The following ARB2A variants were observed in gnomAD, a reference collection of about 807,000 sequenced individuals.
The protein encoded by ARB2A is cotranscriptional regulator ARB2A.
the ARB2A span, among the ~76,000 whole-genome samples, chr5:94,011,381 T>C: frequency 7.2e-5 from 11 of 152,222 alleles, no homozygotes; most frequent in Non-Finnish European, 1.5e-4. Context: ...TTATTTATTT[T>C]GTTCATTATC....
At chr5:93,728,758 G>A in the ARB2A span, among the ~76,000 whole-genome samples, 2 of 151,936 alleles carry the variant, frequency 1.3e-5, no homozygotes, top group Non-Finnish European at 2.9e-5. Context: ...TTTGACATAA[G>A]TCAATATAAA....
chr5:94,109,913 C>A, the ARB2A span, among the ~76,000 whole-genome samples: 5 of 123,518 alleles, frequency 4.0e-5, no homozygotes, highest in Non-Finnish European at 6.3e-5. Flanking sequence ...GAGACGGAGT[C>A]TCGATCTGTC....
the ARB2A span, among the ~76,000 whole-genome samples, chr5:93,948,198 T>A: frequency 6.6e-6 from 1 of 152,186 alleles, no homozygotes; most frequent in Non-Finnish European, 1.5e-5. Context: ...TTTTAATGAT[T>A]GCCATTCTAA....
chr5:93,753,751 T>C, the ARB2A span, among the ~76,000 whole-genome samples: 2 of 152,216 alleles, frequency 1.3e-5, no homozygotes, highest in Non-Finnish European at 2.9e-5. Flanking sequence ...GAAATGCCTG[T>C]CTAAGCTATA....
chr5:93,901,777 G>A, the ARB2A span, among the ~76,000 whole-genome samples: 6 of 152,088 alleles, frequency 3.9e-5, no homozygotes, highest in African/African-American at 1.4e-4. Flanking sequence ...CAAGGGAATA[G>A]CTTACAACCT....
chr5:93,776,987 C>G, the ARB2A span, among the ~76,000 whole-genome samples: 5 of 152,024 alleles, frequency 3.3e-5, no homozygotes, highest in Non-Finnish European at 7.4e-5. Flanking sequence ...AAACTATATT[C>G]TTTGTGTAAT....
At chr5:93,620,201 T>C in the ARB2A span, 1 of 152,230 alleles carries the variant, frequency 6.6e-6, no homozygotes, top group African/African-American at 2.4e-5. Flanking sequence ...CCTTCACACC[T>C]ACACTTAAAA....
chr5:93,703,094 G>A, the ARB2A span, among the ~76,000 whole-genome samples: 2 of 152,178 alleles, frequency 1.3e-5, no homozygotes, highest in Admixed American at 1.3e-4. Context: ...ACTTGCAAAT[G>A]TGCAGGGACT....
At chr5:93,940,275 T>C in the ARB2A span, among the ~76,000 whole-genome samples, 1 of 152,010 alleles carries the variant, frequency 6.6e-6, no homozygotes, top group Admixed American at 6.6e-5. Context: ...CCAATTGTAT[T>C]CCACCTAATT....
the ARB2A span, among the ~76,000 whole-genome samples, chr5:94,098,318 AAC>A: frequency 6.6e-6 from 1 of 152,182 alleles, no homozygotes; most frequent in African/African-American, 2.4e-5. Context: ...AATATAAGTC[AAC>A]ACAATGAAAA....
the ARB2A span, among the ~76,000 whole-genome samples, chr5:93,783,631 A>G: frequency 1.3e-5 from 2 of 152,214 alleles, no homozygotes; most frequent in Non-Finnish European, 2.9e-5. Context: ...TGATTAAACA[A>G]TTACTATGGC....
At chr5:93,875,358 A>C in the ARB2A span, among the ~76,000 whole-genome samples, 1 of 152,096 alleles carries the variant, frequency 6.6e-6, no homozygotes, top group Non-Finnish European at 1.5e-5. Flanking sequence ...CATCCTCCCA[A>C]GTAGCTGGGA....
the ARB2A span, among the ~76,000 whole-genome samples, chr5:93,792,058 A>G: frequency 6.6e-6 from 1 of 152,132 alleles, no homozygotes; most frequent in Admixed American, 6.6e-5. Flanking sequence ...TGTTTGAAAA[A>G]CTTGCTTTAC....
chr5:93,805,391 C>T, the ARB2A span: 1 of 985,136 alleles, frequency 1.0e-6, no homozygotes, highest in Non-Finnish European at 1.2e-6. Context: ...CCCAGTACCT[C>T]ACAGCAAAAC....
the ARB2A span, among the ~76,000 whole-genome samples, chr5:93,711,389 T>A: frequency 6.6e-6 from 1 of 152,132 alleles, no homozygotes. Flanking sequence ...TTAAAAATTA[T>A]TGTTATTCCA....
chr5:93,853,207 C>A, the ARB2A span, among the ~76,000 whole-genome samples: 8 of 152,158 alleles, frequency 5.3e-5, no homozygotes, highest in African/African-American at 1.9e-4. Context: ...GTATTTTATT[C>A]TCTTTGAAGC....
the ARB2A span, among the ~76,000 whole-genome samples, chr5:94,100,434 A>G: frequency 6.6e-6 from 1 of 152,182 alleles, no homozygotes; most frequent in South Asian, 2.1e-4. Context: ...ACTAGAAAAA[A>G]TTATTTTAAA....
chr5:93,931,720 A>G, the ARB2A span, among the ~76,000 whole-genome samples: 1 of 151,886 alleles, frequency 6.6e-6, no homozygotes, highest in African/African-American at 2.4e-5. Context: ...GAACAGACAC[A>G]TGTAACCAGC....
the ARB2A span, among the ~76,000 whole-genome samples, chr5:94,072,937 T>TTGTTA: frequency 6.6e-6 from 1 of 152,090 alleles, no homozygotes; most frequent in Admixed American, 6.6e-5. Context: ...TTAACCCCGC[T>TTGTTA]CATCTTGAGT....
Sources: allele counts gnomAD v4.1 joint callset (sites outside exome capture counted in the v4.1 genomes callset), GRCh38; gene constraint gnomAD v4.1.1; transcripts MANE v1.5; gene names NCBI Gene and HGNC (gene_info 2026-07-23, HGNC 2026-07-21).